The following SERPINB6 variants were observed in gnomAD, a reference collection of about 807,000 sequenced individuals.
SERPINB6 encodes the protein serpin family B member 6.
In SERPINB6, 16 loss-of-function variants were observed where a neutral mutation model predicts 26.1. That is an observed-to-expected ratio of 0.61 (90% CI 0.42 to 0.93). The LOEUF is 0.93. Ranked by LOEUF, SERPINB6 falls within the 40% of genes least tolerant of loss-of-function variation. The probability of loss-of-function intolerance (pLI) is 0.00; values close to 1 mark genes in which losing one functional copy is unlikely to be tolerated. For missense variants in SERPINB6, 420 were observed against 478.0 expected (o/e 0.88, Z 1.13); for synonymous variants, 174 against 176.6 (o/e 0.99, Z 0.11).
rs1327737023 is a variant in SERPINB6, at chr6:2,971,526, C to T, written c.-11+7G>A. 1 of 152,234 alleles carries T rather than the reference C, an allele frequency of 6.6e-6. No individual in the cohort carries two copies. The highest frequency in any genetic ancestry group is 1.5e-5 in the Non-Finnish European group (1 of 68,056). 9.4% of individuals were successfully genotyped at this position (152,234 alleles called of 1,614,324 possible). A position where few individuals can be genotyped will look rare whatever the true frequency, so the allele number is the denominator to read the frequency against. Reference sequence around the variant, plus strand: ...GTGTCCGAGCGGCTCCCAAGCCAGACACGTACTCCAGAGCGGGGAGCGAGC... The same window carrying T: ...GTGTCCGAGCGGCTCCCAAGCCAGATACGTACTCCAGAGCGGGGAGCGAGC... On this transcript the variant is annotated splice_region_variant and intron_variant, in intron 1 of 6. Transcript: ENST00000380539.
At chr6:2,968,995 C>T (rs1278137902) in intron 1 of SERPINB6, 3 of 1,216,412 alleles carry the variant, frequency 2.5e-6, no homozygotes, top group African/African-American at 3.1e-5. Context: ...CCACTGCCTC[C>T]CCCACAGTGC....
intron 1 of SERPINB6, chr6:2,966,281 T>G: frequency 8.2e-6 from 7 of 848,652 alleles, no homozygotes; most frequent in South Asian, 5.4e-5. Context: ...AACTTATTAA[T>G]GAGCTTGGGC....
At chr6:2,970,943 A>G (rs144206595) in intron 1 of SERPINB6, 29,856 of 1,228,516 alleles carry the variant, frequency 0.024, 433 homozygotes, top group Non-Finnish European at 0.027. Flanking sequence ...CAGCACGGCC[A>G]GTCCAGTGAA....
intron 3 of SERPINB6, 55 bp downstream of exon 3, chr6:2,955,469 C>T: frequency 1.2e-6 from 2 of 1,610,536 alleles, no homozygotes; most frequent in Non-Finnish European, 1.7e-6. Flanking sequence ...GGGCCCCAGC[C>T]CCCACTACCT....
rs935607613 is a variant in SERPINB6 at position 2,970,416 on chromosome 6, T to G, written c.-11+1117A>C. On this transcript the variant is annotated intron_variant, in intron 1 of 6. Transcript: ENST00000380539. The stretch of plus-strand genomic sequence containing the variant: ...GGTCCTGAAATGAGAACAAACGCCA[T>G]CTATGCTGATAACAGCAGTCACTGG... 2.9e-6 allele frequency: 3 copies of G among 1,042,560 alleles called. No individual in the cohort carries two copies. The African/African-American group carries it at 5.0e-5, about 17-fold the overall frequency. The allele number at this position is 1,042,560 out of a possible 1,614,324, so 64.6% of individuals were successfully genotyped here.
At chr6:2,962,962 C>T (rs552686683) in intron 1 of SERPINB6, among the ~76,000 whole-genome samples, 2 of 152,304 alleles carry the variant, frequency 1.3e-5, no homozygotes, top group Non-Finnish European at 2.9e-5. Context: ...TCGTCCCAAC[C>T]TTGTGTAACT....
chr6:2,953,721 A>G (rs1158157641), intron 4 of SERPINB6, among the ~76,000 whole-genome samples: 2 of 152,166 alleles, frequency 1.3e-5, no homozygotes, highest in Non-Finnish European at 2.9e-5. Flanking sequence ...TGTAGTCCCA[A>G]TTACTTGGGA....
At chr6:2,968,472 AAAAG>A (rs1771836430) in intron 1 of SERPINB6, 4 of 1,047,358 alleles carry the variant, frequency 3.8e-6, no homozygotes, top group African/African-American at 1.7e-5. Context: ...GTTAAAAAAA[AAAAG>A]AAGAAATCAT....
chr6:2,962,528 T>C (rs1196154772), intron 1 of SERPINB6, among the ~76,000 whole-genome samples: 1 of 152,198 alleles, frequency 6.6e-6, no homozygotes, highest in African/African-American at 2.4e-5. Flanking sequence ...ATAATCTGGG[T>C]TCCCTTCCAT....
At position 2,967,100 on chromosome 6, in the gene SERPINB6, G is replaced by A. The variant is rs1771711508; in HGVS notation, c.-11+4433C>T. The A allele has an allele frequency of 2.0e-6, 2 of 985,010 alleles. No individual in the cohort carries two copies. Among genetic ancestry groups the A allele is most frequent in the Non-Finnish European group, 2.4e-6 (2 of 829,698 alleles). 61.0% of individuals were successfully genotyped at this position (985,010 alleles called of 1,614,324 possible). A position where few individuals can be genotyped will look rare whatever the true frequency, so the allele number is the denominator to read the frequency against. ...GTGACACACACAGAAAATGATGTTTGTATGTCACTTTGGGGCCAGGCTACT... is the reference window on the plus strand; with the variant it reads ...GTGACACACACAGAAAATGATGTTTATATGTCACTTTGGGGCCAGGCTACT... On this transcript the variant is annotated intron_variant, in intron 1 of 6. Transcript: ENST00000380539. This position sits in a 1 kb window ranked among gnomAD's most constrained non-coding sequence, Gnocchi z 4.3.
chr6:2,965,384 T>C (rs1218248764), intron 1 of SERPINB6, among the ~76,000 whole-genome samples: 1 of 152,192 alleles, frequency 6.6e-6, no homozygotes, highest in African/African-American at 2.4e-5. Context: ...TTCCCTACTA[T>C]AATACATGGC....
At chr6:2,969,200 C>T (rs1431402024) in intron 1 of SERPINB6, 2 of 987,032 alleles carry the variant, frequency 2.0e-6, no homozygotes, top group Non-Finnish European at 2.4e-6. Flanking sequence ...ATTTTTCTAT[C>T]GAGGGCTTTC....
chr6:2,965,038 C>G lies in SERPINB6; in HGVS notation c.-10-5696G>C, dbSNP rs185077934. Among the ~76,000 whole-genome samples, 3 of 152,272 alleles carry G rather than the reference C, an allele frequency of 2.0e-5. No homozygotes were observed. In the East Asian group the frequency reaches 5.8e-4, roughly 29 times the overall value. The stretch of plus-strand genomic sequence containing the variant: ...CTTCCTAATCTAGAGGCCGAGGGCC[C>G]GGTCCCGATCCACAGGTTTGCTTTA... On this transcript the variant is annotated intron_variant, in intron 1 of 6. Coordinates refer to ENST00000380539, the MANE Select transcript of SERPINB6 (RefSeq NM_004568.6).
chr6:2,963,150 T>TA (rs1771297190), intron 1 of SERPINB6, among the ~76,000 whole-genome samples: 1 of 152,008 alleles, frequency 6.6e-6, no homozygotes, highest in East Asian at 1.9e-4. Context: ...ACTGGGCTAC[T>TA]AAAAAAATAG....
At chr6:2,959,786 C>G (rs1358983360) in intron 1 of SERPINB6, 1 of 213,698 alleles carries the variant, frequency 4.7e-6, no homozygotes, top group Non-Finnish European at 9.6e-6. Flanking sequence ...AAAAGATGGC[C>G]AAATGTTTTT....
intron 1 of SERPINB6, chr6:2,970,433 A>C (rs539123798): frequency 1.9e-6 from 2 of 1,064,768 alleles, no homozygotes; most frequent in South Asian, 9.1e-5. Flanking sequence ...TGATAACAGC[A>C]GTCACTGGTG....
At chr6:2,970,256 A>C (rs1373868656) in intron 1 of SERPINB6, 1 of 985,282 alleles carries the variant, frequency 1.0e-6, no homozygotes, top group African/African-American at 1.7e-5. Flanking sequence ...GTCCGTGTTA[A>C]CTGTTTCATG....
chr6:2,962,097 T>A, intron 1 of SERPINB6: 2 of 985,358 alleles, frequency 2.0e-6, no homozygotes, highest in African/African-American at 3.5e-5. Context: ...TCCGGTAATA[T>A]CCCGGAGAAT....
intron 1 of SERPINB6, chr6:2,971,170 G>T: frequency 2.0e-6 from 2 of 997,074 alleles, no homozygotes; most frequent in African/African-American, 3.5e-5. Flanking sequence ...CGCCTCTTCC[G>T]TGGGCGCTGG....
Sources: gnomAD v4.1 joint callset for allele counts (sites outside exome capture counted in the v4.1 genomes callset) on GRCh38, gnomAD v4.1.1 for gene constraint, Gnocchi (gnomAD v3.1) non-coding constraint, MANE v1.5 for transcripts, NCBI Gene and HGNC (gene_info 2026-07-23, HGNC 2026-07-21) for gene names.